The following LRRC4C variants were observed in gnomAD, a reference collection of about 807,000 sequenced individuals.
LRRC4C encodes the protein leucine-rich repeat-containing protein 4C.
In LRRC4C, 5 loss-of-function variants were observed where a neutral mutation model predicts 33.6. The observed-to-expected ratio is 0.15, with a 90% CI of 0.08 to 0.31. The LOEUF (loss-of-function observed/expected upper bound fraction) is 0.31, where lower values mean the gene tolerates loss of function less well. LRRC4C is among the 10% of genes least tolerant of loss of function. LRRC4C has a pLI of 1.00. For missense variants in LRRC4C, 560 were observed against 796.7 expected (o/e 0.70, Z 3.58); for synonymous variants, 329 against 302.0 (o/e 1.09, Z -0.93).
intron 3 of LRRC4C, among the ~76,000 whole-genome samples, chr11:40,531,637 T>C (rs1210029434): frequency 1.3e-5 from 2 of 152,090 alleles, no homozygotes; most frequent in Non-Finnish European, 2.9e-5. Context: ...AGAATATGAA[T>C]TGATTTCTAT....
At chr11:40,535,038 A>G (rs1956415844) in intron 3 of LRRC4C, among the ~76,000 whole-genome samples, 1 of 152,186 alleles carries the variant, frequency 6.6e-6, no homozygotes, top group African/African-American at 2.4e-5. Context: ...AAACTAATTG[A>G]AAGGACAAAT....
chr11:40,626,155 A>T (rs1473463625), intron 3 of LRRC4C, among the ~76,000 whole-genome samples: 1 of 152,152 alleles, frequency 6.6e-6, no homozygotes, highest in African/African-American at 2.4e-5. Context: ...TTGTGCTTCA[A>T]ACACAGTAGT....
chr11:40,911,487 T>C (rs1236948400), intron 2 of LRRC4C, among the ~76,000 whole-genome samples: 2 of 152,206 alleles, frequency 1.3e-5, no homozygotes, highest in African/African-American at 4.8e-5. Context: ...CTGAGGGTCC[T>C]GACTCTTAGA....
chr11:41,191,769 A>C (rs572672963), intron 1 of LRRC4C, among the ~76,000 whole-genome samples: 2 of 152,246 alleles, frequency 1.3e-5, no homozygotes, highest in African/African-American at 4.8e-5. Flanking sequence ...TGTCCACTTT[A>C]TTTATTAATG....
intron 4 of LRRC4C, among the ~76,000 whole-genome samples, chr11:40,284,403 G>T (rs972907090): frequency 2.6e-5 from 4 of 152,146 alleles, no homozygotes; most frequent in South Asian, 2.1e-4. Flanking sequence ...TTACTTGTTG[G>T]ATGATATATC....
chr11:40,216,066 C>T (rs1319556084), intron 5 of LRRC4C, among the ~76,000 whole-genome samples: 1 of 152,120 alleles, frequency 6.6e-6, no homozygotes, highest in African/African-American at 2.4e-5. Flanking sequence ...AGGTTCCTAA[C>T]TTCACTACTG....
intron 3 of LRRC4C, among the ~76,000 whole-genome samples, chr11:40,584,970 A>C (rs1004675197): frequency 6.6e-6 from 1 of 151,760 alleles, no homozygotes; most frequent in African/African-American, 2.4e-5. Flanking sequence ...AAAAAAAGAA[A>C]GTTTAACCTG....
At chr11:40,425,634 G>A (rs1365240062) in intron 3 of LRRC4C, among the ~76,000 whole-genome samples, 1 of 152,180 alleles carries the variant, frequency 6.6e-6, no homozygotes, top group Non-Finnish European at 1.5e-5. Context: ...AGTGAATAGA[G>A]CCATAAACGG....
intron 1 of LRRC4C, among the ~76,000 whole-genome samples, chr11:41,375,870 T>G (rs2137831992): frequency 6.6e-6 from 1 of 152,142 alleles, no homozygotes; most frequent in Admixed American, 6.5e-5. Flanking sequence ...TAAATTTATA[T>G]TAATATTCAT....
At chr11:40,271,279 G>T (rs1439448317) in intron 4 of LRRC4C, among the ~76,000 whole-genome samples, 1 of 152,098 alleles carries the variant, frequency 6.6e-6, no homozygotes, top group East Asian at 1.9e-4. Context: ...GCTTTGCCAT[G>T]TTTCCATCCT....
intron 1 of LRRC4C, among the ~76,000 whole-genome samples, chr11:41,406,654 T>C (rs545905909): frequency 6.6e-6 from 1 of 151,244 alleles, no homozygotes; most frequent in South Asian, 2.1e-4. Flanking sequence ...TAGGACCTAA[T>C]CTAGCATGCT....
chr11:40,998,571 A>G (rs1854143587), intron 1 of LRRC4C, among the ~76,000 whole-genome samples: 1 of 152,138 alleles, frequency 6.6e-6, no homozygotes, highest in South Asian at 2.1e-4. Flanking sequence ...ATAATTATTC[A>G]AAGTCCTGAT....
At chr11:41,375,398 G>T (rs1053386126) in intron 1 of LRRC4C, among the ~76,000 whole-genome samples, 1 of 152,090 alleles carries the variant, frequency 6.6e-6, no homozygotes, top group Non-Finnish European at 1.5e-5. Context: ...ATCACCTCTA[G>T]ACTGAACCGC....
At chr11:41,269,565 T>C (rs1949257180) in intron 1 of LRRC4C, among the ~76,000 whole-genome samples, 2 of 152,056 alleles carry the variant, frequency 1.3e-5, no homozygotes. Context: ...GAGAAGGTAG[T>C]CTGGCTTGAA....
At chr11:40,693,513 C>T (rs1179705395) in intron 2 of LRRC4C, among the ~76,000 whole-genome samples, 1 of 151,982 alleles carries the variant, frequency 6.6e-6, no homozygotes, top group Non-Finnish European at 1.5e-5. Flanking sequence ...GGTAGGTAAT[C>T]TGCAGACTTT....
At chr11:41,184,309 T>C (rs1945591728) in intron 1 of LRRC4C, among the ~76,000 whole-genome samples, 1 of 152,096 alleles carries the variant, frequency 6.6e-6, no homozygotes, top group Admixed American at 6.5e-5. Flanking sequence ...ACCTTTATGC[T>C]CCACTTCCTT....
intron 4 of LRRC4C, among the ~76,000 whole-genome samples, chr11:40,314,940 T>C (rs1365561371): frequency 6.6e-6 from 1 of 151,866 alleles, no homozygotes; most frequent in Non-Finnish European, 1.5e-5. Context: ...TGTTAAAGGA[T>C]ACAAAATTAA....
chr11:41,330,004 T>C (rs889766157), intron 1 of LRRC4C, among the ~76,000 whole-genome samples: 1 of 152,202 alleles, frequency 6.6e-6, no homozygotes, highest in Non-Finnish European at 1.5e-5. Context: ...AGAAGGTTAA[T>C]ACCTGAGAGA....
chr11:40,469,922 A>G (rs1316330177), intron 3 of LRRC4C, among the ~76,000 whole-genome samples: 1 of 152,192 alleles, frequency 6.6e-6, no homozygotes. Context: ...CCTGGGACAG[A>G]GTACCTGGGA....
Sources: allele counts gnomAD v4.1 joint callset (sites outside exome capture counted in the v4.1 genomes callset), GRCh38; gene constraint gnomAD v4.1.1; transcripts MANE v1.5; gene names NCBI Gene and HGNC (gene_info 2026-07-23, HGNC 2026-07-21).